The following DCHS2 variants were observed in gnomAD, a reference collection of about 807,000 sequenced individuals.
DCHS2 encodes the protein protocadherin-23.
DCHS2 carries 142 observed loss-of-function variants against 182.4 expected under a neutral mutation model. The ratio of observed to expected loss-of-function variants is 0.78; its 90% CI spans 0.68 to 0.89. The LOEUF (loss-of-function observed/expected upper bound fraction) is 0.89. Ranked by LOEUF, DCHS2 falls within the 40% of genes least tolerant of loss-of-function variation. The probability of loss-of-function intolerance (pLI) is 0.00; values close to 1 mark genes in which losing one functional copy is unlikely to be tolerated. For missense variants in DCHS2, 4,319 were observed against 4,198.6 expected, an observed-to-expected ratio of 1.03 and a Z score of -0.79; for synonymous variants, 1,740 against 1,663.3, an observed-to-expected ratio of 1.05 and a Z score of -1.12.
chr4:154,391,493 AAGG>A (rs1731702155), intron 1 of DCHS2, among the ~76,000 whole-genome samples: 1 of 152,166 alleles, frequency 6.6e-6, no homozygotes, highest in African/African-American at 2.4e-5. Flanking sequence ...CAAAGTGCTG[AAGG>A]AGAAGAGGAA....
intron 2 of DCHS2, among the ~76,000 whole-genome samples, chr4:154,367,954 C>T (rs1730465333): frequency 6.7e-6 from 1 of 149,310 alleles, no homozygotes; most frequent in Non-Finnish European, 1.5e-5. Flanking sequence ...CCCTTGTACT[C>T]CAGGCTTTGA....
intron 1 of DCHS2, among the ~76,000 whole-genome samples, chr4:154,382,650 C>A (rs4696558): frequency 1.3e-5 from 2 of 151,616 alleles, no homozygotes; most frequent in African/African-American, 4.8e-5. Flanking sequence ...ATTCAACCAG[C>A]GAAAAACAAA....
chr4:154,404,982 C>A (rs1364777314), intron 1 of DCHS2, among the ~76,000 whole-genome samples: 1 of 152,186 alleles, frequency 6.6e-6, no homozygotes, highest in Non-Finnish European at 1.5e-5. Flanking sequence ...CATGGTGGCT[C>A]ATGCCTGTAA....
intron 1 of DCHS2, among the ~76,000 whole-genome samples, chr4:154,438,468 T>C (rs964615600): frequency 5.9e-5 from 9 of 152,218 alleles, no homozygotes; most frequent in African/African-American, 2.2e-4. Context: ...GGCATACTCT[T>C]ACAATTCTTT....
At chr4:154,346,536 T>C (rs1388958976) in intron 3 of DCHS2, among the ~76,000 whole-genome samples, 1 of 151,984 alleles carries the variant, frequency 6.6e-6, no homozygotes, top group Non-Finnish European at 1.5e-5. Flanking sequence ...AGTCAACATA[T>C]ATAATTATTT....
intron 3 of DCHS2, among the ~76,000 whole-genome samples, chr4:154,343,142 C>A (rs1357407053): frequency 6.6e-6 from 1 of 152,124 alleles, no homozygotes; most frequent in Non-Finnish European, 1.5e-5. Context: ...TTAAAATATT[C>A]TGTAAACCAG....
chr4:154,234,492 C>T lies in DCHS2; in HGVS notation c.*44G>A. 1 of 1,489,362 alleles carries T rather than the reference C, an allele frequency of 6.7e-7. No individual in the cohort carries two copies. Among genetic ancestry groups the T allele is most frequent in the African/African-American group, 1.4e-5 (1 of 71,264 alleles). 92.3% of individuals were successfully genotyped at this position (1,489,362 alleles called of 1,614,324 possible). ...CTGGCTTGAAAACATTTTGTTCATT[C>T]ATTCATGACCAATGGTGAGCAGGTA... On this transcript the variant is annotated 3_prime_UTR_variant, in exon 20 of 20. Transcript: ENST00000357232.
intron 15 of DCHS2, 24 bp downstream of exon 15, chr4:154,259,520 AC>A: frequency 6.2e-7 from 1 of 1,611,388 alleles, no homozygotes. Context: ...ACACACACAC[AC>A]ACACACAAAT....
chr4:154,304,586 G>A (rs1052321119), intron 12 of DCHS2, 83 bp downstream of exon 12: 25 of 1,307,940 alleles, frequency 1.9e-5, no homozygotes, highest in African/African-American at 1.8e-4. Flanking sequence ...GAGCCATCGC[G>A]CCACTGCACT....
At chr4:154,344,044 G>GGA (rs57613058) in intron 3 of DCHS2, among the ~76,000 whole-genome samples, 2 of 151,464 alleles carry the variant, frequency 1.3e-5, no homozygotes, top group South Asian at 2.1e-4. Context: ...GGCAGCCTGG[G>GGA]GAGAGAGAGA....
chr4:154,431,307 TAAAG>T (rs753713416), intron 1 of DCHS2, among the ~76,000 whole-genome samples: 13 of 152,138 alleles, frequency 8.5e-5, no homozygotes, highest in Middle Eastern at 6.4e-3. Flanking sequence ...GTGTATGACT[TAAAG>T]AAATCATAAA....
chr4:154,277,530 G>GA (rs1300764179), intron 13 of DCHS2, among the ~76,000 whole-genome samples: 1 of 149,796 alleles, frequency 6.7e-6, no homozygotes, highest in Non-Finnish European at 1.5e-5. Flanking sequence ...GAGGCCCCCA[G>GA]AATCTGTAGC....
Position 154,348,155 on chromosome 4 carries a change from C to T in DCHS2, c.2477-13051G>A, listed in dbSNP as rs766794223. Among the ~76,000 whole-genome samples, 22 of 152,080 alleles carry T rather than the reference C, an allele frequency of 1.4e-4. 1 individual carries two copies. Among genetic ancestry groups the T allele is most frequent in the Non-Finnish European group, 2.1e-4 (14 of 68,030 alleles). Reference sequence around the variant, plus strand: ...ATACATTTCCAGTGGACACAGATGGCTTAACTATTATTCTCTCTCACTTTG... The same window carrying T: ...ATACATTTCCAGTGGACACAGATGGTTTAACTATTATTCTCTCTCACTTTG... On this transcript the variant is annotated intron_variant, in intron 3 of 19. Coordinates refer to ENST00000357232, the MANE Select transcript of DCHS2 (RefSeq NM_001358235.2).
intron 3 of DCHS2, among the ~76,000 whole-genome samples, chr4:154,337,353 A>T (rs1372148574): frequency 2.0e-5 from 3 of 152,192 alleles, no homozygotes; most frequent in African/African-American, 7.2e-5. Flanking sequence ...ATGACAATGA[A>T]AAACTTAATG....
intron 9 of DCHS2, 93 bp downstream of exon 9, chr4:154,320,286 G>T: frequency 6.6e-7 from 1 of 1,507,058 alleles, no homozygotes; most frequent in Non-Finnish European, 8.8e-7. Context: ...ACAATGTATT[G>T]TACACTTAAA....
At chr4:154,247,203 G>T (rs920707565) in intron 16 of DCHS2, among the ~76,000 whole-genome samples, 2 of 152,288 alleles carry the variant, frequency 1.3e-5, no homozygotes, top group African/African-American at 2.4e-5. Context: ...GTGGCCAGGC[G>T]CAGTGGCTTA....
intron 12 of DCHS2, among the ~76,000 whole-genome samples, chr4:154,302,439 G>A (rs908364916): frequency 1.3e-5 from 2 of 152,096 alleles, no homozygotes; most frequent in Non-Finnish European, 2.9e-5. Context: ...TCCCTTCTTT[G>A]CCGAGTTGTG....
chr4:154,320,237 C>A (rs1177726541), intron 9 of DCHS2, 142 bp downstream of exon 9: 2 of 1,340,878 alleles, frequency 1.5e-6, no homozygotes, highest in Non-Finnish European at 2.0e-6. Context: ...TAAATAATAT[C>A]TAGAGATACG....
chr4:154,346,687 T>C (rs910018185), intron 3 of DCHS2, among the ~76,000 whole-genome samples: 1 of 151,942 alleles, frequency 6.6e-6, no homozygotes, highest in Admixed American at 6.5e-5. Flanking sequence ...CTGCTTCTAC[T>C]TAAGACCACA....
Sources: gnomAD v4.1 joint callset for allele counts (sites outside exome capture counted in the v4.1 genomes callset) on GRCh38, gnomAD v4.1.1 for gene constraint, MANE v1.5 for transcripts, NCBI Gene and HGNC (gene_info 2026-07-23, HGNC 2026-07-21) for gene names.